Variants in CRIM1 observed in about 807,000 individuals in gnomAD.
CRIM1 encodes cysteine-rich motor neuron 1 protein.
CRIM1 carries 32 observed loss-of-function variants against 116.4 expected under a neutral mutation model. The ratio of observed to expected loss-of-function variants is 0.27; its 90% CI spans 0.21 to 0.37. CRIM1 has a LOEUF of 0.37. Ranked by LOEUF, CRIM1 falls within the 10% of genes least tolerant of loss-of-function variation. The probability of loss-of-function intolerance (pLI) is 1.00; values close to 1 mark genes in which losing one functional copy is unlikely to be tolerated. For synonymous variants in CRIM1, 590 were observed against 509.2 expected (o/e 1.16, Z -2.13); for missense variants, 1,331 against 1,354.8 (o/e 0.98, Z 0.28).
At chr2:36,372,947 A>G (rs1345299888) in intron 1 of CRIM1, among the ~76,000 whole-genome samples, 2 of 152,200 alleles carry the variant, frequency 1.3e-5, no homozygotes, top group Non-Finnish European at 2.9e-5. Context: ...TTGAGGGTCC[A>G]CTGATGATTT....
At chr2:36,512,833 C>T (rs533754965) in intron 10 of CRIM1, among the ~76,000 whole-genome samples, 1 of 152,306 alleles carries the variant, frequency 6.6e-6, no homozygotes, top group Admixed American at 6.5e-5. Context: ...AGAATTTAGC[C>T]TTTGGCTGAA....
chr2:36,533,940 G>A (rs1351721075), intron 13 of CRIM1, among the ~76,000 whole-genome samples: 1 of 148,246 alleles, frequency 6.7e-6, no homozygotes, highest in Non-Finnish European at 1.5e-5. Context: ...GAATGAAGGA[G>A]AGAGGGAAGG....
At chr2:36,378,999 T>TA (rs1391422838) in intron 1 of CRIM1, 6 of 152,228 alleles carry the variant, frequency 3.9e-5, no homozygotes, top group African/African-American at 1.4e-4. Flanking sequence ...GCAACAGTAG[T>TA]AAAAATCCTT....
intron 2 of CRIM1, among the ~76,000 whole-genome samples, chr2:36,400,111 A>G (rs577902517): frequency 6.6e-5 from 10 of 152,276 alleles, no homozygotes; most frequent in African/African-American, 2.2e-4. Flanking sequence ...GGGATTGATG[A>G]TTATATAAGA....
intron 12 of CRIM1, among the ~76,000 whole-genome samples, chr2:36,520,983 A>G (rs1665350405): frequency 6.6e-6 from 1 of 152,226 alleles, no homozygotes; most frequent in Admixed American, 6.5e-5. Context: ...TTTGCTAGGT[A>G]GGGCTGTCGT....
intron 7 of CRIM1, among the ~76,000 whole-genome samples, chr2:36,490,146 G>C (rs1055676633): frequency 1.3e-5 from 2 of 152,116 alleles, no homozygotes; most frequent in African/African-American, 4.8e-5. Flanking sequence ...GTGCATTTGA[G>C]GTCTGTGAAA....
At chr2:36,381,540 G>C (rs1670773391) in intron 1 of CRIM1, among the ~76,000 whole-genome samples, 1 of 152,220 alleles carries the variant, frequency 6.6e-6, no homozygotes, top group South Asian at 2.1e-4. Flanking sequence ...GGTGATGGAT[G>C]AGAAAAGGAA....
intron 4 of CRIM1, among the ~76,000 whole-genome samples, chr2:36,449,288 C>G (rs1676501112): frequency 6.6e-6 from 1 of 152,130 alleles, no homozygotes; most frequent in Non-Finnish European, 1.5e-5. Context: ...CTAGCCGGTG[C>G]ACATCAGCGG....
intron 2 of CRIM1, among the ~76,000 whole-genome samples, chr2:36,434,517 C>A (rs563125779): frequency 6.6e-6 from 1 of 152,330 alleles, no homozygotes; most frequent in African/African-American, 2.4e-5. Flanking sequence ...CTTATCCTCT[C>A]TGGGTCTCTC....
intron 2 of CRIM1, among the ~76,000 whole-genome samples, chr2:36,429,184 C>T (rs1674681996): frequency 6.6e-6 from 1 of 152,218 alleles, no homozygotes; most frequent in Non-Finnish European, 1.5e-5. Flanking sequence ...ACTCTTATTG[C>T]ACATAACACA....
intron 7 of CRIM1, among the ~76,000 whole-genome samples, chr2:36,480,947 G>A (rs1050852409): frequency 2.0e-5 from 3 of 152,184 alleles, no homozygotes; most frequent in Non-Finnish European, 4.4e-5. Flanking sequence ...CGGCCTTACA[G>A]GAAAGGGTGC....
chr2:36,446,260 C>G (rs1439335829), intron 4 of CRIM1, among the ~76,000 whole-genome samples: 1 of 152,162 alleles, frequency 6.6e-6, no homozygotes, highest in Admixed American at 6.5e-5. Flanking sequence ...GACTATTTCA[C>G]CCATTCGGGC....
chr2:36,402,653 G>A (rs933839080), intron 2 of CRIM1, among the ~76,000 whole-genome samples: 2 of 151,508 alleles, frequency 1.3e-5, no homozygotes, highest in African/African-American at 4.9e-5. Context: ...GCTGGTAGGG[G>A]TTCTTTTAGT....
At chr2:36,423,400 C>T (rs1674215036) in intron 2 of CRIM1, among the ~76,000 whole-genome samples, 1 of 152,234 alleles carries the variant, frequency 6.6e-6, no homozygotes, top group Non-Finnish European at 1.5e-5. Flanking sequence ...ACACCCTCTG[C>T]TCAGCTACTC....
At chr2:36,483,614 A>T (rs79153957) in intron 7 of CRIM1, among the ~76,000 whole-genome samples, 2,052 of 152,314 alleles carry the variant, frequency 0.013, 52 homozygotes, top group African/African-American at 0.047. Context: ...TCTGCGCTGC[A>T]GTGCATTATA....
intron 4 of CRIM1, among the ~76,000 whole-genome samples, chr2:36,448,184 G>A (rs778386718): frequency 6.6e-6 from 1 of 152,182 alleles, no homozygotes; most frequent in Non-Finnish European, 1.5e-5. Context: ...GATAAAACCG[G>A]GTCCATTTTT....
chr2:36,501,089 C>T (rs1680949001), intron 8 of CRIM1, among the ~76,000 whole-genome samples: 3 of 152,138 alleles, frequency 2.0e-5, no homozygotes, highest in Admixed American at 1.3e-4. Flanking sequence ...CACTTTGTCC[C>T]TTTTGAATTG....
At chr2:36,480,294 G>A (rs570322820) in intron 7 of CRIM1, among the ~76,000 whole-genome samples, 142 of 152,204 alleles carry the variant, frequency 9.3e-4, no homozygotes, top group African/African-American at 3.3e-3. Context: ...TTTCTGTCCC[G>A]ACTCCTATTC....
chr2:36,416,918 G>A (rs1673663866), intron 2 of CRIM1, among the ~76,000 whole-genome samples: 1 of 152,214 alleles, frequency 6.6e-6, no homozygotes. Context: ...CTGTGCAGCT[G>A]AAGCCATTGC....
Sources: gnomAD v4.1 joint callset for allele counts (sites outside exome capture counted in the v4.1 genomes callset) on GRCh38, gnomAD v4.1.1 for gene constraint, MANE v1.5 for transcripts, NCBI Gene and HGNC (gene_info 2026-07-23, HGNC 2026-07-21) for gene names.